MAT2B: variants seen among roughly 807,000 people sequenced by gnomAD.
MAT2B encodes the protein methionine adenosyltransferase 2 subunit beta.
Under a neutral mutation model 36.1 loss-of-function variants are expected in MAT2B, and 16 were observed. That is an observed-to-expected ratio of 0.44 (90% CI 0.30 to 0.67). MAT2B has a LOEUF of 0.67. Ranked by LOEUF, MAT2B falls within the 30% of genes least tolerant of loss-of-function variation. The pLI is 0.09. For missense variants in MAT2B, 332 were observed against 398.2 expected, an observed-to-expected ratio of 0.83 and a Z score of 1.42; for synonymous variants, 148 against 136.9, an observed-to-expected ratio of 1.08 and a Z score of -0.57.
At chr5:163,512,543 G>A (rs1760062115) in intron 2 of MAT2B, 1 of 381,446 alleles carries the variant, frequency 2.6e-6, no homozygotes, top group Admixed American at 4.0e-5. Flanking sequence ...GGCTCAGAGA[G>A]GTTTTCGGTA....
At chr5:163,517,933 AAG>A in intron 6 of MAT2B, 1 of 492,142 alleles carries the variant, frequency 2.0e-6, no homozygotes, top group East Asian at 3.1e-5. Flanking sequence ...TTCTTACACT[AAG>A]AGCAAAAATA....
At chr5:163,514,479 A>G (rs1156681661) in intron 4 of MAT2B, among the ~76,000 whole-genome samples, 1 of 152,242 alleles carries the variant, frequency 6.6e-6, no homozygotes, top group Non-Finnish European at 1.5e-5. Flanking sequence ...TACACTCCTT[A>G]GAAAAAATGT....
At chr5:163,511,292 G>T (rs1284905314) in intron 1 of MAT2B, among the ~76,000 whole-genome samples, 1 of 151,528 alleles carries the variant, frequency 6.6e-6, no homozygotes, top group Non-Finnish European at 1.5e-5. Context: ...TTTGAAACAG[G>T]GTCTCACTCT....
In MAT2B at chr5:163,506,364, T is replaced by C. The variant is rs184198721; in HGVS notation, c.63+615T>C. Among the ~76,000 whole-genome samples the C allele has an allele frequency of 2.1e-3, 321 of 152,244 alleles. 1 individual carries two copies. The highest frequency in any genetic ancestry group is 7.1e-3 in the African/African-American group (297 of 41,552). ...ATTCAGATACAGGTTTGTGTGACTG[T>C]CTTGGGCTTTGAACCACTACGGAGT... On this transcript the variant is annotated intron_variant, in intron 1 of 6. Transcript: ENST00000321757.
In MAT2B at chr5:163,517,504, T is replaced by C. The variant is rs539556859; in HGVS notation, c.721-57T>C. On this transcript the variant is annotated intron_variant, in intron 5 of 6. Coordinates refer to ENST00000321757, the MANE Select transcript of MAT2B (RefSeq NM_013283.5). ...TTTAAGTAAGCTTTTTGGTCAAACC[T>C]ATTCTACTCAGCTCAAAAAGTTGAA... is the stretch of plus-strand genomic sequence containing the variant. 2.1e-4 allele frequency: 216 copies of C among 1,033,886 alleles called. 2 individuals carry two copies. The South Asian group carries it at 2.7e-3, about 13-fold the overall frequency. The allele number at this position is 1,033,886 out of a possible 1,614,324, so 64.0% of individuals were successfully genotyped here.
chr5:163,511,943 ATAT>A, intron 1 of MAT2B, 56 bp from the exon 2 acceptor site: 1 of 1,280,726 alleles, frequency 7.8e-7, no homozygotes, highest in Non-Finnish European at 1.1e-6. Context: ...GGTGCCTAAT[ATAT>A]TTGAGAGAAC....
intron 5 of MAT2B, 103 bp downstream of exon 5, chr5:163,516,814 A>C (rs772750457): frequency 7.7e-7 from 1 of 1,295,564 alleles, no homozygotes; most frequent in Non-Finnish European, 1.1e-6. Context: ...TGAAAGCCAA[A>C]AGTGCTTTTT....
chr5:163,505,604 G>A (rs573091777), upstream of MAT2B: 2 of 1,248,534 alleles, frequency 1.6e-6, no homozygotes, highest in Non-Finnish European at 1.0e-6. Flanking sequence ...GAGGCGGGCC[G>A]AGGGCGTCTG....
At chr5:163,510,991 C>T (rs1023929102) in intron 1 of MAT2B, among the ~76,000 whole-genome samples, 9 of 152,106 alleles carry the variant, frequency 5.9e-5, no homozygotes, top group African/African-American at 9.7e-5. Flanking sequence ...ACTTAAAACA[C>T]GTTTCTCTCT....
At chr5:163,505,823 G>T (rs886384263) in intron 1 of MAT2B, 74 bp downstream of exon 1, 5 of 1,162,932 alleles carry the variant, frequency 4.3e-6, no homozygotes, top group African/African-American at 1.6e-5. Context: ...GGCTCGGGCG[G>T]CTTTGCAGGC....
At position 163,518,515 on chromosome 5, in the gene MAT2B, C is replaced by A; in HGVS notation, c.*152C>A. The A allele has an allele frequency of 1.8e-6, 1 of 564,224 alleles. No homozygotes were observed. Among genetic ancestry groups the A allele is most frequent in the South Asian group, 3.2e-5 (1 of 31,478 alleles). The allele number at this position is 564,224 out of a possible 1,614,324, so 35.0% of individuals were successfully genotyped here. A position where few individuals can be genotyped will look rare whatever the true frequency, so the allele number is the denominator to read the frequency against. ...GATGCTCTTGCACTAGTGAAATTGT[C>A]TAAAGAAACTAAAGGGCAGTCATGC... On this transcript the variant is annotated 3_prime_UTR_variant, in exon 7 of 7. Transcript: ENST00000321757.
intron 6 of MAT2B, 135 bp from the exon 7 acceptor site, chr5:163,518,058 G>A (rs1382955724): frequency 1.6e-6 from 1 of 614,202 alleles, no homozygotes; most frequent in Non-Finnish European, 2.7e-6. Context: ...TTTGAGACTA[G>A]CCTGGGCAAT....
At chr5:163,505,057 C>T (rs1489380475), upstream of MAT2B, among the ~76,000 whole-genome samples, 1 of 152,124 alleles carries the variant, frequency 6.6e-6, no homozygotes, top group African/African-American at 2.4e-5. Context: ...AATAGTTTTA[C>T]ATTTTTGATA....
intron 5 of MAT2B, 181 bp downstream of exon 5, chr5:163,516,892 G>A (rs1760142045): frequency 3.2e-6 from 2 of 615,626 alleles, no homozygotes; most frequent in Non-Finnish European, 5.8e-6. Flanking sequence ...AAAATATTAT[G>A]CTCTTCTGTT....
At chr5:163,511,143 A>C (rs1349178838) in intron 1 of MAT2B, among the ~76,000 whole-genome samples, 4 of 152,208 alleles carry the variant, frequency 2.6e-5, no homozygotes, top group African/African-American at 9.7e-5. Flanking sequence ...TTACTAACTC[A>C]TTTGGGTATT....
At position 163,512,206 on chromosome 5, in the gene MAT2B, A is replaced by G. The variant is rs1760057619; in HGVS notation, c.258+10A>G. On this transcript the variant is annotated intron_variant, in intron 2 of 6. Coordinates refer to ENST00000321757, the MANE Select transcript of MAT2B (RefSeq NM_013283.5). ...CATTCATGATTTTCAGGTATGATTT[A>G]GGTTATTTTAAGATATACATGAACA... 1.3e-5 allele frequency: 21 copies of G among 1,605,444 alleles called. No homozygotes were observed. The highest frequency in any genetic ancestry group is 1.8e-5 in the Non-Finnish European group (21 of 1,172,202).
chr5:163,510,454 G>A (rs2113553876), intron 1 of MAT2B, among the ~76,000 whole-genome samples: 1 of 142,116 alleles, frequency 7.0e-6, no homozygotes, highest in East Asian at 2.1e-4. Flanking sequence ...GGAGTGCAGT[G>A]GTGCCATCTT....
intron 1 of MAT2B, among the ~76,000 whole-genome samples, chr5:163,510,394 C>G (rs1274177527): frequency 8.2e-6 from 1 of 121,750 alleles, no homozygotes; most frequent in East Asian, 2.2e-4. Context: ...TTAGTTTTAG[C>G]TTTTTTTTTT....
chr5:163,503,300 CGCTCTCT>C, upstream of MAT2B: 1 of 1,133,238 alleles, frequency 8.8e-7, no homozygotes, highest in East Asian at 2.4e-5. Context: ...GGCGTGCCTG[CGCTCTCT>C]GCAGGCAGAA....
Sources: gnomAD v4.1 joint callset for allele counts (sites outside exome capture counted in the v4.1 genomes callset) on GRCh38, gnomAD v4.1.1 for gene constraint, MANE v1.5 for transcripts, NCBI Gene and HGNC (gene_info 2026-07-23, HGNC 2026-07-21) for gene names.